HDAC9: variants seen among roughly 807,000 people sequenced by gnomAD.
HDAC9 encodes MEF-2 interacting transcription repressor (MITR) protein.
In HDAC9, 41 loss-of-function variants were observed where a neutral mutation model predicts 139.4. The ratio of observed to expected loss-of-function variants is 0.29; its 90% CI spans 0.23 to 0.38. HDAC9 has a LOEUF of 0.38. Among genes scored for constraint, HDAC9 ranks in the 10% least tolerant of loss-of-function variants. The pLI is 1.00. For missense variants in HDAC9, 1,147 were observed against 1,297.0 expected, an observed-to-expected ratio of 0.88 and a Z score of 1.78; for synonymous variants, 517 against 476.2, an observed-to-expected ratio of 1.09 and a Z score of -1.12.
intron 1 of HDAC9, among the ~76,000 whole-genome samples, chr7:18,120,314 C>A (rs76158420): frequency 0.013 from 1,971 of 152,218 alleles, 37 homozygotes; most frequent in African/African-American, 0.045. Flanking sequence ...GTTGAGAAAT[C>A]CTGCTTTACA....
At chr7:18,433,910 A>G (rs570668642) in intron 1 of HDAC9, among the ~76,000 whole-genome samples, 19 of 152,152 alleles carry the variant, frequency 1.2e-4, no homozygotes, top group African/African-American at 2.6e-4. Context: ...AAAATTGGGG[A>G]AAAAAAATCC....
chr7:18,253,222 A>C (rs773320268), intron 2 of HDAC9, among the ~76,000 whole-genome samples: 1 of 152,204 alleles, frequency 6.6e-6, no homozygotes, highest in Admixed American at 6.5e-5. Flanking sequence ...ATATGCATGC[A>C]TGTGTCTTTA....
chr7:18,225,508 A>G (rs1792996227), intron 2 of HDAC9, among the ~76,000 whole-genome samples: 1 of 152,206 alleles, frequency 6.6e-6, no homozygotes, highest in Non-Finnish European at 1.5e-5. Flanking sequence ...ATGCAGTAGC[A>G]TCATAATTCT....
chr7:18,239,625 C>A (rs1338876999), intron 2 of HDAC9, among the ~76,000 whole-genome samples: 1 of 152,070 alleles, frequency 6.6e-6, no homozygotes, highest in African/African-American at 2.4e-5. Context: ...TTTAGATGTA[C>A]CTTTGATTTT....
chr7:18,833,726 TG>T (rs1796023430), intron 19 of HDAC9, among the ~76,000 whole-genome samples: 1 of 152,212 alleles, frequency 6.6e-6, no homozygotes, highest in African/African-American at 2.4e-5. Flanking sequence ...GATGTGTATG[TG>T]CCCCAACATT....
At chr7:18,826,828 AT>A (rs955345917) in intron 17 of HDAC9, among the ~76,000 whole-genome samples, 5 of 150,942 alleles carry the variant, frequency 3.3e-5, no homozygotes, top group African/African-American at 4.9e-5. Context: ...GATGCCCTAA[AT>A]TTTTTTTTCT....
chr7:18,555,233 A>G (rs758659262), intron 2 of HDAC9, among the ~76,000 whole-genome samples: 1 of 152,198 alleles, frequency 6.6e-6, no homozygotes, highest in African/African-American at 2.4e-5. Context: ...TTACAAGTTC[A>G]TGGTATTTGA....
intron 16 of HDAC9, among the ~76,000 whole-genome samples, chr7:18,786,615 T>C (rs372322093): frequency 1.0e-3 from 33 of 32,550 alleles, no homozygotes; most frequent in South Asian, 1.6e-3. Context: ...CCTTCCTTCC[T>C]TCCCTCCCTC....
At chr7:18,353,660 T>C (rs1783029959) in intron 1 of HDAC9, among the ~76,000 whole-genome samples, 1 of 152,164 alleles carries the variant, frequency 6.6e-6, no homozygotes, top group Non-Finnish European at 1.5e-5. Context: ...AGCATATAAA[T>C]GAAAAACACA....
intron 1 of HDAC9, among the ~76,000 whole-genome samples, chr7:18,410,179 A>G (rs1788412869): frequency 6.6e-6 from 1 of 152,174 alleles, no homozygotes; most frequent in Non-Finnish European, 1.5e-5. Context: ...TGAAAAATTC[A>G]TTCTTTAGAA....
intron 12 of HDAC9, among the ~76,000 whole-genome samples, chr7:18,715,330 A>T (rs965390245): frequency 6.6e-6 from 1 of 151,904 alleles, no homozygotes; most frequent in African/African-American, 2.4e-5. Context: ...TTTTATTTTT[A>T]AAATTTTTTG....
intron 23 of HDAC9, among the ~76,000 whole-genome samples, chr7:18,942,198 A>G (rs1187855778): frequency 6.6e-6 from 1 of 152,090 alleles, no homozygotes; most frequent in African/African-American, 2.4e-5. Context: ...ACATAAAACC[A>G]TTGTTTTTAA....
intron 22 of HDAC9, among the ~76,000 whole-genome samples, chr7:18,889,981 T>C (rs1800534871): frequency 6.6e-6 from 1 of 152,202 alleles, no homozygotes; most frequent in African/African-American, 2.4e-5. Flanking sequence ...ATTACAGGCG[T>C]GAGCCACCGC....
intron 2 of HDAC9, among the ~76,000 whole-genome samples, chr7:18,169,652 G>A (rs1261789853): frequency 6.6e-6 from 1 of 151,652 alleles, no homozygotes; most frequent in Non-Finnish European, 1.5e-5. Context: ...GATGTTCCCC[G>A]CCCTATGTCC....
At chr7:18,926,886 A>G (rs1482329658) in intron 22 of HDAC9, among the ~76,000 whole-genome samples, 3 of 152,174 alleles carry the variant, frequency 2.0e-5, no homozygotes, top group Non-Finnish European at 2.9e-5. Flanking sequence ...ACTGTGATTG[A>G]AAATGCTTTC....
intron 12 of HDAC9, among the ~76,000 whole-genome samples, chr7:18,712,022 G>A (rs974018709): frequency 6.6e-6 from 1 of 151,544 alleles, no homozygotes; most frequent in Non-Finnish European, 1.5e-5. Context: ...AGTGGATGTA[G>A]TGGGCCAGTG....
At chr7:18,456,795 C>CA in intron 1 of HDAC9, among the ~76,000 whole-genome samples, 1 of 152,202 alleles carries the variant, frequency 6.6e-6, no homozygotes, top group South Asian at 2.1e-4. Context: ...AGAGATTTTT[C>CA]AAATTGTTTT....
At chr7:18,879,335 A>T (rs1281545943) in intron 22 of HDAC9, among the ~76,000 whole-genome samples, 2 of 152,184 alleles carry the variant, frequency 1.3e-5, no homozygotes, top group Non-Finnish European at 2.9e-5. Flanking sequence ...GAAACCAAAA[A>T]AAGAGCCCAA....
chr7:18,939,955 T>A (rs1781911313), intron 23 of HDAC9, among the ~76,000 whole-genome samples: 1 of 152,208 alleles, frequency 6.6e-6, no homozygotes, highest in African/African-American at 2.4e-5. Context: ...GGGCCTCTGC[T>A]CTTTGTCAGA....
Sources: allele counts gnomAD v4.1 joint callset (sites outside exome capture counted in the v4.1 genomes callset), GRCh38; gene constraint gnomAD v4.1.1; transcripts MANE v1.5; gene names NCBI Gene and HGNC (gene_info 2026-07-23, HGNC 2026-07-21).